The following LRFN5 variants were observed in gnomAD, a reference collection of about 807,000 sequenced individuals.
LRFN5 encodes the protein leucine rich repeat and fibronectin type III domain containing 5.
In LRFN5, 24 loss-of-function variants were observed where a neutral mutation model predicts 45.6. The observed-to-expected ratio is 0.53, with a 90% confidence interval of 0.38 to 0.74. LRFN5 has a LOEUF of 0.74. LRFN5 is among the 30% of genes least tolerant of loss of function. The pLI, the probability that LRFN5 is intolerant of heterozygous loss-of-function variation, is 0.00. For missense variants in LRFN5, 776 were observed against 861.5 expected, an observed-to-expected ratio of 0.90 and a Z score of 1.24; for synonymous variants, 340 against 313.8, an observed-to-expected ratio of 1.08 and a Z score of -0.88.
chr14:41,674,238 G>T (rs1429469503), intron 1 of LRFN5, among the ~76,000 whole-genome samples: 2 of 136,832 alleles, frequency 1.5e-5, no homozygotes, highest in African/African-American at 5.5e-5. Flanking sequence ...GGGGCGGCTG[G>T]CCGGGCAGAG....
At chr14:41,845,139 A>T (rs113130400) in intron 2 of LRFN5, among the ~76,000 whole-genome samples, 2,373 of 88,214 alleles carry the variant, frequency 0.027, 64 homozygotes, top group African/African-American at 0.11. Context: ...GCTGGGGGAA[A>T]ACATGAGTAG....
intron 2 of LRFN5, among the ~76,000 whole-genome samples, chr14:41,819,377 A>G (rs1488292818): frequency 6.6e-6 from 1 of 152,128 alleles, no homozygotes; most frequent in East Asian, 1.9e-4. Flanking sequence ...ATTCATATTA[A>G]CATCTATTGA....
chr14:41,636,601 A>T (rs1466031197), intron 1 of LRFN5, among the ~76,000 whole-genome samples: 1 of 151,860 alleles, frequency 6.6e-6, no homozygotes, highest in Non-Finnish European at 1.5e-5. Flanking sequence ...GTACCCTAGA[A>T]CTTAAAGTAT....
chr14:41,734,316 T>TTATATATATATA (rs60855395), intron 1 of LRFN5, among the ~76,000 whole-genome samples: 1,049 of 38,714 alleles, frequency 0.027, 168 homozygotes, highest in Middle Eastern at 0.067. Context: ...TGGACTGGTT[T>TTATATATATATA]TATATATATA....
At chr14:41,753,603 T>C (rs1263823913) in intron 1 of LRFN5, among the ~76,000 whole-genome samples, 1 of 152,192 alleles carries the variant, frequency 6.6e-6, no homozygotes, top group African/African-American at 2.4e-5. Flanking sequence ...TTGTGATTTT[T>C]GCACATTGAT....
chr14:41,647,858 G>A (rs1879891571), intron 1 of LRFN5, among the ~76,000 whole-genome samples: 1 of 152,132 alleles, frequency 6.6e-6, no homozygotes, highest in African/African-American at 2.4e-5. Flanking sequence ...GGTGGGGAGT[G>A]TGATGATAAA....
At chr14:41,774,009 G>T (rs1886187178) in intron 2 of LRFN5, among the ~76,000 whole-genome samples, 1 of 152,290 alleles carries the variant, frequency 6.6e-6, no homozygotes, top group Non-Finnish European at 1.5e-5. Context: ...TGGTCTTTGT[G>T]TTGCTAACAC....
At chr14:41,747,190 T>C (rs1884955459) in intron 1 of LRFN5, among the ~76,000 whole-genome samples, 1 of 151,894 alleles carries the variant, frequency 6.6e-6, no homozygotes, top group Admixed American at 6.6e-5. Flanking sequence ...TTTTAAAAAT[T>C]CTAAAACACA....
At chr14:41,804,141 G>A (rs548396321) in intron 2 of LRFN5, among the ~76,000 whole-genome samples, 3 of 152,208 alleles carry the variant, frequency 2.0e-5, no homozygotes, top group Non-Finnish European at 2.9e-5. Context: ...GGTTGCAGTC[G>A]TGAGCCACCG....
intron 1 of LRFN5, among the ~76,000 whole-genome samples, chr14:41,608,872 C>T (rs1887612253): frequency 6.6e-6 from 1 of 152,160 alleles, no homozygotes; most frequent in Non-Finnish European, 1.5e-5. Context: ...TTCTGTGTTT[C>T]CTTCAGGCTG....
At chr14:41,656,078 ACT>A (rs1256809878) in intron 1 of LRFN5, among the ~76,000 whole-genome samples, 3 of 151,970 alleles carry the variant, frequency 2.0e-5, no homozygotes, top group Non-Finnish European at 2.9e-5. Flanking sequence ...AGCTAAATAA[ACT>A]TGAGTAATGT....
intron 4 of LRFN5, chr14:41,894,134 A>G (rs573335178): frequency 1.0e-6 from 1 of 984,400 alleles, no homozygotes; most frequent in East Asian, 1.1e-4. Flanking sequence ...CAAGACTTAA[A>G]GAAATGAATC....
At chr14:41,732,611 A>G (rs1884227597) in intron 1 of LRFN5, among the ~76,000 whole-genome samples, 1 of 152,168 alleles carries the variant, frequency 6.6e-6, no homozygotes, top group Non-Finnish European at 1.5e-5. Context: ...AAATGAAAAC[A>G]AGAACAAACA....
At chr14:41,773,728 C>T (rs572085321) in intron 2 of LRFN5, among the ~76,000 whole-genome samples, 1 of 152,132 alleles carries the variant, frequency 6.6e-6, no homozygotes, top group African/African-American at 2.4e-5. Context: ...CATGTGAGTT[C>T]AGTGGAAAAG....
chr14:41,629,110 A>C (rs1888447696), intron 1 of LRFN5, among the ~76,000 whole-genome samples: 1 of 145,544 alleles, frequency 6.9e-6, no homozygotes, highest in Non-Finnish European at 1.5e-5. Context: ...CTACATTTGC[A>C]AAAAAAATAC....
At chr14:41,649,780 C>G (rs1275931392) in intron 1 of LRFN5, among the ~76,000 whole-genome samples, 1 of 152,144 alleles carries the variant, frequency 6.6e-6, no homozygotes, top group Admixed American at 6.6e-5. Flanking sequence ...ATTTTCAATT[C>G]ACTGAACTCC....
At chr14:41,715,733 T>A (rs2138756771) in intron 1 of LRFN5, among the ~76,000 whole-genome samples, 1 of 152,308 alleles carries the variant, frequency 6.6e-6, no homozygotes, top group Non-Finnish European at 1.5e-5. Flanking sequence ...TGTCTGTGGC[T>A]TTTTCAAGTG....
chr14:41,714,399 A>C (rs900648584), intron 1 of LRFN5, among the ~76,000 whole-genome samples: 3 of 152,188 alleles, frequency 2.0e-5, no homozygotes, highest in Non-Finnish European at 4.4e-5. Flanking sequence ...CTTGACATAT[A>C]ATTATCATAC....
Position 41,887,474 on chromosome 14 carries a change from G to T in LRFN5, c.849G>T (p.Leu283Phe), listed in dbSNP as rs772166408. 6.2e-7 allele frequency: 1 copy of T among 1,614,058 alleles called. No homozygotes were observed. The highest frequency in any genetic ancestry group is 1.7e-5 in the Admixed American group (1 of 59,998). ...YFWSIPEEEF[L>F]CEPPLITRHT... Reference sequence around the variant, plus strand: ...GGTCAATTCCTGAAGAAGAGTTTTTGTGTGAGCCTCCTCTCATTACTCGTC... The same window carrying T: ...GGTCAATTCCTGAAGAAGAGTTTTTTTGTGAGCCTCCTCTCATTACTCGTC... The change falls in exon 3 of 6, where the codon TTG becomes TTT. Residue 283 changes from leucine to phenylalanine, a missense_variant. Leu to Phe is a conservative substitution (Grantham distance 22). Coordinates refer to ENST00000298119, the MANE Select transcript of LRFN5 (RefSeq NM_152447.5). This position sits in a 1 kb window ranked among gnomAD's most constrained non-coding sequence, Gnocchi z 4.8.
Sources: allele counts gnomAD v4.1 joint callset (sites outside exome capture counted in the v4.1 genomes callset), GRCh38; gene constraint gnomAD v4.1.1; non-coding constraint Gnocchi (gnomAD v3.1); transcripts MANE v1.5; gene names NCBI Gene and HGNC (gene_info 2026-07-23, HGNC 2026-07-21).